SPON1: variants seen among roughly 807,000 people sequenced by gnomAD.
The protein encoded by SPON1 is spondin-1.
In SPON1, 52 loss-of-function variants were observed where a neutral mutation model predicts 111.7. The ratio of observed to expected loss-of-function variants is 0.47; its 90% CI spans 0.37 to 0.59. The LOEUF is 0.59. SPON1 is among the 20% of genes least tolerant of loss of function. The pLI, the probability that SPON1 is intolerant of heterozygous loss-of-function variation, is 0.00. For synonymous variants in SPON1, 410 were observed against 395.8 expected, an observed-to-expected ratio of 1.04 and a Z score of -0.43; for missense variants, 957 against 1,068.5, an observed-to-expected ratio of 0.90 and a Z score of 1.46.
rs1564935726 is a variant in SPON1 at position 14,228,578 on chromosome 11, C to T, written c.826-14754C>T. On this transcript the variant is annotated intron_variant, in intron 6 of 15. Transcript: ENST00000576479. The surrounding 1 kb of genome is among the most constrained non-coding windows in gnomAD (Gnocchi z 4.2). ...GGGACAAGAGCACTGACCTTTGTGC[C>T]CCTGGAGGATCACTGGATGAGGGTC... Among the ~76,000 whole-genome samples the T allele has an allele frequency of 6.6e-6, 1 of 152,150 alleles. No individual in the cohort carries two copies. Among genetic ancestry groups the T allele is most frequent in the Admixed American group, 6.5e-5 (1 of 15,282 alleles).
intron 5 of SPON1, among the ~76,000 whole-genome samples, chr11:14,113,226 G>A (rs1336147959): frequency 6.6e-6 from 1 of 152,128 alleles, no homozygotes; most frequent in Non-Finnish European, 1.5e-5. Context: ...TCTCCATCAA[G>A]AGAAAACAGA....
chr11:14,161,862 G>C (rs1554931383), intron 6 of SPON1, among the ~76,000 whole-genome samples: 1 of 151,874 alleles, frequency 6.6e-6, no homozygotes, highest in Non-Finnish European at 1.5e-5. Context: ...AAATAATGAA[G>C]GTTTTCCACA....
intron 6 of SPON1, among the ~76,000 whole-genome samples, chr11:14,223,823 A>G (rs1190542970): frequency 1.3e-5 from 2 of 152,202 alleles, no homozygotes; most frequent in East Asian, 3.8e-4. Context: ...CTGGGTCACA[A>G]AATAGCCAAG....
At chr11:14,070,992 C>T (rs1350636575) in intron 3 of SPON1, among the ~76,000 whole-genome samples, 5 of 152,094 alleles carry the variant, frequency 3.3e-5, no homozygotes, top group African/African-American at 1.2e-4. Flanking sequence ...ATTTCCTTAA[C>T]ATGCTCTCTT....
At position 13,982,859 on chromosome 11, in the gene SPON1, C is replaced by G; in HGVS notation, c.251C>G (p.Ala84Gly). The change falls in exon 2 of 16, where the codon GCT becomes GGT. Residue 84 changes from alanine (A) to glycine (G), a missense_variant. Physicochemically the swap from Ala to Gly is moderately conservative, Grantham distance 60. Transcript: ENST00000576479. ...TCTCTCTCTGCAGTAACACTTTCAG[C>G]TGCTCCTCCCTCCTACTTCAGAGGA... is the stretch of plus-strand genomic sequence containing the variant. ...PGTSYRVTLS[A>G]APPSYFRGFT... is the part of the protein sequence containing the mutation. 1 of 1,557,714 alleles carries G rather than the reference C, an allele frequency of 6.4e-7. No homozygotes were observed. Among genetic ancestry groups the G allele is most frequent in the Non-Finnish European group, 8.7e-7 (1 of 1,149,308 alleles).
intron 6 of SPON1, among the ~76,000 whole-genome samples, chr11:14,236,209 A>G (rs1456278487): frequency 1.3e-5 from 2 of 152,152 alleles, no homozygotes; most frequent in Non-Finnish European, 2.9e-5. Flanking sequence ...TAGCTGAGCG[A>G]TGATGGTGGC....
At chr11:14,070,846 C>T (rs1848870091) in intron 3 of SPON1, among the ~76,000 whole-genome samples, 2 of 152,174 alleles carry the variant, frequency 1.3e-5, no homozygotes, top group Admixed American at 6.5e-5. Flanking sequence ...GGCTGAGCAC[C>T]TAAGAGATTC....
intron 6 of SPON1, among the ~76,000 whole-genome samples, chr11:14,144,000 C>T (rs1554929051): frequency 6.6e-6 from 1 of 152,170 alleles, no homozygotes; most frequent in African/African-American, 2.4e-5. Context: ...AGTAGAGAAC[C>T]TGTACTTCTT....
chr11:13,979,065 A>C (rs1274326784), intron 1 of SPON1, among the ~76,000 whole-genome samples: 1 of 152,262 alleles, frequency 6.6e-6, no homozygotes, highest in East Asian at 1.9e-4. Context: ...AAACAACATA[A>C]ATTTATTCTC....
chr11:14,009,987 T>C (rs1314575496), intron 2 of SPON1, among the ~76,000 whole-genome samples: 3 of 152,236 alleles, frequency 2.0e-5, no homozygotes, highest in Non-Finnish European at 2.9e-5. Context: ...AATGTCTGTC[T>C]TTCCCATCAA....
chr11:14,231,933 T>TCC (rs1554938790), intron 6 of SPON1, among the ~76,000 whole-genome samples: 1 of 39,426 alleles, frequency 2.5e-5, no homozygotes, highest in Non-Finnish European at 5.8e-5. Context: ...GATGGTGGGA[T>TCC]TATAGGGTCA....
intron 6 of SPON1, among the ~76,000 whole-genome samples, chr11:14,198,477 A>G (rs559976779): frequency 6.6e-6 from 1 of 152,358 alleles, no homozygotes; most frequent in South Asian, 2.1e-4. Flanking sequence ...TGGAATTTGA[A>G]AAGATGATAT....
chr11:14,159,502 A>T (rs116459270), intron 6 of SPON1, among the ~76,000 whole-genome samples: 12,312 of 152,164 alleles, frequency 0.081, 652 homozygotes, highest in East Asian at 0.18. Context: ...GAAAATAGGG[A>T]TACTATATGA....
intron 3 of SPON1, among the ~76,000 whole-genome samples, chr11:14,055,366 C>T (rs1848737504): frequency 6.6e-6 from 1 of 152,206 alleles, no homozygotes. Flanking sequence ...CAATCTACAA[C>T]TTCACCCTTC....
intron 5 of SPON1, among the ~76,000 whole-genome samples, chr11:14,095,191 G>A (rs1849089386): frequency 6.6e-6 from 1 of 152,124 alleles, no homozygotes; most frequent in African/African-American, 2.4e-5. Flanking sequence ...TACCTTGAGA[G>A]GAATTGTTAG....
intron 5 of SPON1, among the ~76,000 whole-genome samples, chr11:14,096,364 T>C (rs1849100738): frequency 6.6e-6 from 1 of 152,222 alleles, no homozygotes; most frequent in Non-Finnish European, 1.5e-5. Flanking sequence ...CCAGCACTTT[T>C]AGGTACTTTG....
chr11:14,029,782 G>A (rs1391376254), intron 2 of SPON1, among the ~76,000 whole-genome samples: 1 of 152,172 alleles, frequency 6.6e-6, no homozygotes, highest in East Asian at 1.9e-4. Flanking sequence ...TTTTGCTGGG[G>A]ACCCTTGGCT....
intron 6 of SPON1, among the ~76,000 whole-genome samples, chr11:14,145,887 C>T (rs1263664741): frequency 6.6e-6 from 1 of 152,034 alleles, no homozygotes; most frequent in African/African-American, 2.4e-5. Context: ...ACAGAATGCT[C>T]CCTGGTGTAT....
At chr11:14,235,948 G>C (rs1554939183) in intron 6 of SPON1, among the ~76,000 whole-genome samples, 1 of 152,134 alleles carries the variant, frequency 6.6e-6, no homozygotes, top group Non-Finnish European at 1.5e-5. Context: ...TGCCTGGCAT[G>C]TTTAAAGATA....
Sources: gnomAD v4.1 joint callset for allele counts (sites outside exome capture counted in the v4.1 genomes callset) on GRCh38, gnomAD v4.1.1 for gene constraint, Gnocchi (gnomAD v3.1) non-coding constraint, MANE v1.5 for transcripts, NCBI Gene and HGNC (gene_info 2026-07-23, HGNC 2026-07-21) for gene names.